Variants in CACNA1G observed in about 807,000 individuals in gnomAD.
CACNA1G encodes calcium voltage-gated channel subunit alpha1 G.
Under a neutral mutation model 219.4 loss-of-function variants are expected in CACNA1G, and 67 were observed. The observed-to-expected ratio is 0.31, with a 90% CI of 0.25 to 0.37. The LOEUF is 0.37. CACNA1G is among the 10% of genes least tolerant of loss of function. The pLI is 1.00. For synonymous variants in CACNA1G, 1,296 were observed against 1,345.3 expected (o/e 0.96, Z 0.80); for missense variants, 2,380 against 3,231.4 (o/e 0.74, Z 6.39).
intron 35 of CACNA1G, among the ~76,000 whole-genome samples, chr17:50,622,675 G>C (rs1305481961): frequency 6.6e-6 from 1 of 152,186 alleles, no homozygotes; most frequent in Non-Finnish European, 1.5e-5. Context: ...AAGGGTTCAG[G>C]GGGAAGGGGG....
intron 26 of CACNA1G, 56 bp from the exon 27 acceptor site, chr17:50,615,305 G>A (rs1213531048): frequency 4.0e-5 from 58 of 1,454,868 alleles, no homozygotes; most frequent in Non-Finnish European, 5.2e-5. Context: ...TGGGGGTGGA[G>A]GGGTGCGGGG....
intron 19 of CACNA1G, among the ~76,000 whole-genome samples, chr17:50,602,577 TGGGGGCGGG>T (rs1369052231): frequency 6.6e-6 from 1 of 151,896 alleles, no homozygotes; most frequent in Non-Finnish European, 1.5e-5. Context: ...TAAGTGGCTG[TGGGGGCGGG>T]GAGCTCTGGT....
chr17:50,610,144 G>A (rs527697117), intron 26 of CACNA1G, among the ~76,000 whole-genome samples: 47 of 152,314 alleles, frequency 3.1e-4, no homozygotes, highest in Admixed American at 7.8e-4. Context: ...CTCTGCCGAC[G>A]CCCTTTGGAG....
chr17:50,627,320 C>T lies in CACNA1G; in HGVS notation c.*569C>T. The T allele has an allele frequency of 2.4e-6, 1 of 415,674 alleles. No homozygotes were observed. Among genetic ancestry groups the T allele is most frequent in the Non-Finnish European group, 4.8e-6 (1 of 208,756 alleles). 25.7% of individuals were successfully genotyped at this position (415,674 alleles called of 1,614,324 possible). ...AAACTGTAATGTAACTTATTTTTTC[C>T]TTTAACCTCGTCATCATTTTCTGTA... On this transcript the variant is annotated 3_prime_UTR_variant, in exon 38 of 38. Transcript: ENST00000359106.
At chr17:50,588,775 C>A (rs752955849) in intron 9 of CACNA1G, among the ~76,000 whole-genome samples, 2 of 152,246 alleles carry the variant, frequency 1.3e-5, no homozygotes, top group African/African-American at 2.4e-5. Context: ...ACTCTGCCCC[C>A]AGGCCTGCCT....
rs1293566413 is a variant in CACNA1G at position 50,593,665 on chromosome 17, G to A, written c.2911-1328G>A. On this transcript the variant is annotated intron_variant, in intron 13 of 37. Transcript: ENST00000359106. ...AGTGTGAGGGCTCAACAAGGCCCACGCAGCCACACCCTCCCCAACCTTCGC... is the reference window on the plus strand; with the variant it reads ...AGTGTGAGGGCTCAACAAGGCCCACACAGCCACACCCTCCCCAACCTTCGC... Among the ~76,000 whole-genome samples, 6 of 152,242 alleles carry A rather than the reference G, an allele frequency of 3.9e-5. No individual in the cohort carries two copies. In the East Asian group the frequency reaches 7.7e-4, roughly 20 times the overall value.
intron 1 of CACNA1G, among the ~76,000 whole-genome samples, chr17:50,563,007 G>C (rs879533141): frequency 5.3e-5 from 8 of 152,336 alleles, no homozygotes; most frequent in Non-Finnish European, 1.0e-4. Flanking sequence ...CTTCCTTCCA[G>C]CTCAGAGGTT....
At chr17:50,585,012 G>A (rs1023227551) in intron 9 of CACNA1G, among the ~76,000 whole-genome samples, 1 of 152,188 alleles carries the variant, frequency 6.6e-6, no homozygotes, top group African/African-American at 2.4e-5. Context: ...ACTTACCTGG[G>A]CTGGGGCTGG....
intron 13 of CACNA1G, among the ~76,000 whole-genome samples, chr17:50,594,109 G>C (rs1007356090): frequency 6.6e-6 from 1 of 152,208 alleles, no homozygotes. Flanking sequence ...AGGCTTCAAG[G>C]GTAGCCCCCC....
intron 9 of CACNA1G, among the ~76,000 whole-genome samples, chr17:50,590,115 C>G (rs1006751120): frequency 6.6e-6 from 1 of 152,170 alleles, no homozygotes; most frequent in Non-Finnish European, 1.5e-5. Context: ...TGCTGCTGGC[C>G]TGGGCCCGCT....
chr17:50,569,089 G>A (rs1272551764), intron 2 of CACNA1G, 76 bp from the exon 3 acceptor site: 4 of 1,569,380 alleles, frequency 2.5e-6, no homozygotes, highest in South Asian at 1.2e-5. Context: ...GACCCAACTG[G>A]TGGGGACTAG....
Position 50,624,349 on chromosome 17 carries a change from T to A in CACNA1G, c.6230-11T>A. 4 of 435,180 alleles carry A rather than the reference T, an allele frequency of 9.2e-6. No homozygotes were observed. The highest frequency in any genetic ancestry group is 1.4e-5 in the Non-Finnish European group (4 of 295,140). The allele number at this position is 435,180 out of a possible 1,614,324, so 27.0% of individuals were successfully genotyped here. A position where few individuals can be genotyped will look rare whatever the true frequency, so the allele number is the denominator to read the frequency against. On this transcript the variant is annotated splice_polypyrimidine_tract_variant and intron_variant, in intron 36 of 37. Transcript: ENST00000359106. ...TCCCCCCACCCCTCCCCCGCTTCCC[T>A]CCCTCCACAGGCTCCGTCTTGTCCG...
rs757935818 is a variant in CACNA1G, at chr17:50,578,467, C to G, written c.2204C>G (p.Thr735Ser). ...VLAFWRLICDTFRKIVDSKYF... is the reference protein window; with the variant it reads ...VLAFWRLICDSFRKIVDSKYF... ...GCCTTCTGGAGGCTAATCTGTGACACCTTCCGAAAGATTGTGGACAGCAAG... is the reference window on the plus strand; with the variant it reads ...GCCTTCTGGAGGCTAATCTGTGACAGCTTCCGAAAGATTGTGGACAGCAAG... The change falls in exon 9 of 38, where the codon ACC becomes AGC. Residue 735 changes from threonine (T) to serine (S), a missense_variant. By Grantham distance (58) the Thr-to-Ser change is moderately conservative. This residue lies in a region of CACNA1G where 434 missense variants were observed against 417.3 expected (regional missense o/e 1.04). Coordinates refer to ENST00000359106, the MANE Select transcript of CACNA1G (RefSeq NM_018896.5). This position sits in a 1 kb window ranked among gnomAD's most constrained non-coding sequence, Gnocchi z 4.5. 6.3e-7 allele frequency: 1 copy of G among 1,595,604 alleles called. No individual in the cohort carries two copies. Among genetic ancestry groups the G allele is most frequent in the Non-Finnish European group, 8.6e-7 (1 of 1,168,816 alleles).
intron 26 of CACNA1G, 38 bp from the exon 27 acceptor site, chr17:50,615,323 G>T: frequency 2.0e-6 from 3 of 1,516,886 alleles, no homozygotes; most frequent in Non-Finnish European, 2.7e-6. Context: ...GGGGGCAGGG[G>T]CCTGACGCTT....
chr17:50,569,010 GT>G (rs372490164), intron 2 of CACNA1G, 29 bp downstream of exon 2: 2 of 1,472,576 alleles, frequency 1.4e-6, no homozygotes. Flanking sequence ...GTGTGTGTGT[GT>G]GTGTTGTGTG....
intron 16 of CACNA1G, 142 bp downstream of exon 16, chr17:50,597,065 C>A: frequency 2.4e-6 from 2 of 823,374 alleles, no homozygotes; most frequent in Non-Finnish European, 3.7e-6. Flanking sequence ...GGACAAGCCC[C>A]TGGGGAATCT....
rs754687564 is a variant in CACNA1G, at chr17:50,599,739, A to C, written c.3570A>C (p.Arg1190=). The change falls in exon 17 of 38, where the codon CGA becomes CGC. Residue 1190 remains arginine (R), a synonymous_variant. Coordinates refer to ENST00000359106, the MANE Select transcript of CACNA1G (RefSeq NM_018896.5). ...GGCTGCATCGCACTGCCAGTGGCCG[A>C]GGGTCTGCTTCTGAGCACCAGGACT... ...VPGLHRTASG[R]GSASEHQDCN... is the part of the protein sequence containing the mutation. The C allele has an allele frequency of 1.2e-6, 2 of 1,613,698 alleles. No individual in the cohort carries two copies. Among genetic ancestry groups the C allele is most frequent in the Non-Finnish European group, 1.7e-6 (2 of 1,179,842 alleles).
In CACNA1G at chr17:50,603,273, C is replaced by G. The variant is rs1262592973; in HGVS notation, c.4169+74C>G. ...GCAGGGACATCTCCCACCGCCAGCA[C>G]TCCCTGCCACGAAACAAAAGCCTGC... On this transcript the variant is annotated intron_variant, in intron 21 of 37. Transcript: ENST00000359106. The surrounding 1 kb of genome is among the most constrained non-coding windows in gnomAD (Gnocchi z 6.4). 5.3e-6 allele frequency: 7 copies of G among 1,330,784 alleles called. No homozygotes were observed. Among genetic ancestry groups the G allele is most frequent in the Non-Finnish European group, 7.2e-6 (7 of 967,430 alleles). The allele number at this position is 1,330,784 out of a possible 1,614,324, so 82.4% of individuals were successfully genotyped here. A position where few individuals can be genotyped will look rare whatever the true frequency, so the allele number is the denominator to read the frequency against.
chr17:50,606,250 C>T, intron 23 of CACNA1G: 1 of 730,264 alleles, frequency 1.4e-6, no homozygotes. Flanking sequence ...GATGAAGAAA[C>T]AGAGGCTCAG....
Sources: allele counts gnomAD v4.1 joint callset (sites outside exome capture counted in the v4.1 genomes callset), GRCh38; gene constraint gnomAD v4.1.1; regional missense constraint gnomAD v4.1.1; non-coding constraint Gnocchi (gnomAD v3.1); transcripts MANE v1.5; gene names NCBI Gene and HGNC (gene_info 2026-07-23, HGNC 2026-07-21).